Variants in PXK observed in about 807,000 individuals in gnomAD.
PXK encodes PX domain-containing protein kinase-like protein.
In PXK, 35 loss-of-function variants were observed where a neutral mutation model predicts 84.7. That is an observed-to-expected ratio of 0.41 (90% CI 0.32 to 0.55). The LOEUF is 0.55. Ranked by LOEUF, PXK falls within the 20% of genes least tolerant of loss-of-function variation. The pLI is 0.21. For synonymous variants in PXK, 253 were observed against 260.8 expected, an observed-to-expected ratio of 0.97 and a Z score of 0.29; for missense variants, 634 against 699.7, an observed-to-expected ratio of 0.91 and a Z score of 1.06.
At chr3:58,391,015 TTC>T in intron 5 of PXK, 130 bp from the exon 6 acceptor site, 1 of 647,420 alleles carries the variant, frequency 1.5e-6, no homozygotes, top group South Asian at 1.9e-5. Context: ...TATCAAATGG[TTC>T]TTTTACTTGT....
In PXK at chr3:58,410,202, C is replaced by G. The variant is rs778718503; in HGVS notation, c.1465+43C>G. ...GTAGTGGGGCCCAGGACACAGAGAT[C>G]AGGATCAGGAGTCTCTAGTTGGTCA... On this transcript the variant is annotated intron_variant, in intron 16 of 17. Transcript: ENST00000356151. The G allele has an allele frequency of 6.3e-6, 9 of 1,434,244 alleles. No homozygotes were observed. The Middle Eastern group carries it at 5.3e-4, about 84-fold the overall frequency. 88.8% of individuals were successfully genotyped at this position (1,434,244 alleles called of 1,614,324 possible).
intron 1 of PXK, among the ~76,000 whole-genome samples, chr3:58,362,417 G>A (rs770855613): frequency 1.3e-5 from 2 of 152,096 alleles, no homozygotes; most frequent in Non-Finnish European, 2.9e-5. Context: ...TCATTTCATT[G>A]CTGAGTGTCC....
chr3:58,381,570 A>AT (rs1434449688), intron 3 of PXK, among the ~76,000 whole-genome samples: 4 of 151,682 alleles, frequency 2.6e-5, no homozygotes, highest in African/African-American at 7.2e-5. Flanking sequence ...AAAAAAAAAA[A>AT]AAAGACTACA....
Position 58,390,013 on chromosome 3 carries a change from A to C in PXK, c.389-569A>C, listed in dbSNP as rs1431047258. On this transcript the variant is annotated intron_variant, in intron 4 of 17. Transcript: ENST00000356151. The surrounding 1 kb of genome is among the most constrained non-coding windows in gnomAD (Gnocchi z 4.2). ...AAACTCCGTCTCAAAAAAAAAAAAA[A>C]AAAAAAAAAAACAATTTAGCCAGGC... Among the ~76,000 whole-genome samples the C allele has an allele frequency of 2.6e-5, 4 of 150,990 alleles. No homozygotes were observed. Among genetic ancestry groups the C allele is most frequent in the Admixed American group, 6.6e-5 (1 of 15,120 alleles).
chr3:58,404,860 T>C (rs1190712064), intron 13 of PXK, among the ~76,000 whole-genome samples: 1 of 152,224 alleles, frequency 6.6e-6, no homozygotes, highest in Admixed American at 6.5e-5. Flanking sequence ...AGAGGTGCTT[T>C]CCTCTGTTCT....
rs771632663 is a variant in PXK at position 58,391,741 on chromosome 3, C to T, written c.541-32C>T. On this transcript the variant is annotated intron_variant, in intron 6 of 17. Coordinates refer to ENST00000356151, the MANE Select transcript of PXK (RefSeq NM_017771.5). Reference sequence around the variant, plus strand: ...GGAATTTTTCTTTTGGTGACCAAAACAGTACCCTGATATTCCCTTCCATGT... The same window carrying T: ...GGAATTTTTCTTTTGGTGACCAAAATAGTACCCTGATATTCCCTTCCATGT... 24 of 1,580,434 alleles carry T rather than the reference C, an allele frequency of 1.5e-5. No individual in the cohort carries two copies. In the African/African-American group the frequency reaches 2.4e-4, roughly 16 times the overall value.
chr3:58,410,883 A>G (rs1459945671), intron 16 of PXK, among the ~76,000 whole-genome samples: 1 of 152,228 alleles, frequency 6.6e-6, no homozygotes, highest in Non-Finnish European at 1.5e-5. Context: ...GGGTTGAGGA[A>G]TACCTGCTTA....
chr3:58,396,393 T>C (rs2057685575), intron 9 of PXK, among the ~76,000 whole-genome samples: 1 of 152,300 alleles, frequency 6.6e-6, no homozygotes. Context: ...GAAGTTGTAA[T>C]ATTTTCTTCT....
intron 1 of PXK, among the ~76,000 whole-genome samples, chr3:58,341,996 G>A (rs1349935187): frequency 6.6e-6 from 1 of 151,942 alleles, no homozygotes; most frequent in African/African-American, 2.4e-5. Context: ...GAGCCAACGC[G>A]CCTGGCCAGA....
At chr3:58,384,665 C>T (rs377306401) in intron 4 of PXK, among the ~76,000 whole-genome samples, 1 of 152,168 alleles carries the variant, frequency 6.6e-6, no homozygotes, top group African/African-American at 2.4e-5. Context: ...TCAGCCCTAA[C>T]CCAGGCCCAC....
chr3:58,409,789 A>G lies in PXK; in HGVS notation c.1395+171A>G, dbSNP rs1372848590. On this transcript the variant is annotated intron_variant, in intron 15 of 17. Coordinates refer to ENST00000356151, the MANE Select transcript of PXK (RefSeq NM_017771.5). The surrounding 1 kb of genome is among the most constrained non-coding windows in gnomAD (Gnocchi z 4.2). ...TTTTTTTGGGGAAAAAAAAAGAGTCATATGATAATCAGCCGAGAAATAGCC... is the reference window on the plus strand; with the variant it reads ...TTTTTTTGGGGAAAAAAAAAGAGTCGTATGATAATCAGCCGAGAAATAGCC... Among the ~76,000 whole-genome samples the G allele has an allele frequency of 6.6e-6, 1 of 151,758 alleles. No individual in the cohort carries two copies. Among genetic ancestry groups the G allele is most frequent in the Non-Finnish European group, 1.5e-5 (1 of 67,996 alleles).
In PXK at chr3:58,407,367, CTA is replaced by C. The variant is rs781741062; in HGVS notation, c.1231-1555_1231-1554del. The stretch of plus-strand genomic sequence containing the variant: ...TTGTATATTTTCTTTAGAGAAATGT[CTA>C]TGTCTTTTGCCTCTTTTTAATTGGG... On this transcript the variant is annotated intron_variant, in intron 13 of 17. Coordinates refer to ENST00000356151, the MANE Select transcript of PXK (RefSeq NM_017771.5). This position sits in a 1 kb window ranked among gnomAD's most constrained non-coding sequence, Gnocchi z 4.3. Among the ~76,000 whole-genome samples, 23 of 152,074 alleles carry C rather than the reference CTA, an allele frequency of 1.5e-4. No homozygotes were observed. The highest frequency in any genetic ancestry group is 3.4e-3 in the Middle Eastern group (1 of 294).
chr3:58,380,995 T>C (rs1018427767), intron 3 of PXK, among the ~76,000 whole-genome samples: 1 of 152,062 alleles, frequency 6.6e-6, no homozygotes, highest in Non-Finnish European at 1.5e-5. Flanking sequence ...ACGCCTGTAA[T>C]CCCAGCACTT....
Position 58,421,207 on chromosome 3 carries a change from C to T in PXK, c.1529-3545C>T. ...TCTCATGGCCACTTGGCCTCCCTTC[C>T]TGTATGTGACCACAAAGGAGCTCAG... On this transcript the variant is annotated intron_variant, in intron 17 of 17. Transcript: ENST00000356151. The surrounding 1 kb of genome is among the most constrained non-coding windows in gnomAD (Gnocchi z 5.5). The T allele has an allele frequency of 1.0e-6, 1 of 985,378 alleles. No homozygotes were observed. The highest frequency in any genetic ancestry group is 1.2e-6 in the Non-Finnish European group (1 of 829,920). 61.0% of individuals were successfully genotyped at this position (985,378 alleles called of 1,614,324 possible).
At chr3:58,417,526 G>A (rs1291650021) in intron 17 of PXK, among the ~76,000 whole-genome samples, 1 of 152,092 alleles carries the variant, frequency 6.6e-6, no homozygotes, top group Non-Finnish European at 1.5e-5. Context: ...CAAGCTGATG[G>A]GAGAAATATC....
intron 4 of PXK, among the ~76,000 whole-genome samples, chr3:58,386,830 G>C (rs1340563080): frequency 6.6e-6 from 1 of 152,194 alleles, no homozygotes; most frequent in Non-Finnish European, 1.5e-5. Flanking sequence ...GCTGGGGAGG[G>C]GGAATAGAGC....
chr3:58,386,125 C>T (rs2098548572), intron 4 of PXK, among the ~76,000 whole-genome samples: 1 of 151,934 alleles, frequency 6.6e-6, no homozygotes, highest in Admixed American at 6.6e-5. Context: ...AGAGCCAATC[C>T]TCAGAAAGGA....
intron 1 of PXK, among the ~76,000 whole-genome samples, chr3:58,347,740 A>G (rs1467989410): frequency 6.6e-6 from 1 of 152,226 alleles, no homozygotes; most frequent in Non-Finnish European, 1.5e-5. Context: ...GTGAATGCCT[A>G]GGAATGGAAT....
chr3:58,353,410 C>T (rs2097984370), intron 1 of PXK, among the ~76,000 whole-genome samples: 1 of 151,970 alleles, frequency 6.6e-6, no homozygotes, highest in South Asian at 2.1e-4. Context: ...CTTCAGATGC[C>T]TTTAAAAACC....
Sources: gnomAD v4.1 joint callset for allele counts (sites outside exome capture counted in the v4.1 genomes callset) on GRCh38, gnomAD v4.1.1 for gene constraint, Gnocchi (gnomAD v3.1) non-coding constraint, MANE v1.5 for transcripts, NCBI Gene and HGNC (gene_info 2026-07-23, HGNC 2026-07-21) for gene names.